The following SLC1A3 variants were observed in gnomAD, a reference collection of about 807,000 sequenced individuals.
The protein encoded by SLC1A3 is solute carrier family 1 member 3.
SLC1A3 carries 21 observed loss-of-function variants against 48.1 expected under a neutral mutation model. The observed-to-expected ratio is 0.44, with a 90% CI of 0.31 to 0.63. SLC1A3 has a LOEUF of 0.63. Among genes scored for constraint, SLC1A3 ranks in the 20% least tolerant of loss-of-function variants. The pLI, the probability that SLC1A3 is intolerant of heterozygous loss-of-function variation, is 0.08. For synonymous variants in SLC1A3, 239 were observed against 251.4 expected, an observed-to-expected ratio of 0.95 and a Z score of 0.47; for missense variants, 546 against 689.0, an observed-to-expected ratio of 0.79 and a Z score of 2.32.
Position 36,600,873 on chromosome 5 carries a change from C to T in SLC1A3, c.-96+4195C>T, listed in dbSNP as rs150668125. ...CCTTACCCCCAGATTACTATGATTG[C>T]ATCCAATGTCCAAAAGTTATTTCAG... On this transcript the variant is annotated intron_variant, in intron 1 of 9. Transcript: ENST00000680318. 4.6e-3 allele frequency among the ~76,000 whole-genome samples: 698 copies of T among 152,330 alleles called. 11 individuals carry two copies. The highest frequency in any genetic ancestry group is 0.016 in the African/African-American group (658 of 41,568).
intron 1 of SLC1A3, among the ~76,000 whole-genome samples, chr5:36,597,369 C>T (rs1037259745): frequency 1.4e-4 from 21 of 150,944 alleles, no homozygotes; most frequent in Non-Finnish European, 2.7e-4. Flanking sequence ...GCCTCAGCCT[C>T]CCCAGCAGCT....
chr5:36,639,366 A>C (rs1268231644), intron 3 of SLC1A3, among the ~76,000 whole-genome samples: 1 of 152,254 alleles, frequency 6.6e-6, no homozygotes, highest in Admixed American at 6.5e-5. Context: ...GCTTTGTTAA[A>C]AGCTTACACA....
In SLC1A3 at chr5:36,622,209, G is replaced by A. The variant is rs918094477; in HGVS notation, c.182-7241G>A. Among the ~76,000 whole-genome samples, 3 of 152,150 alleles carry A rather than the reference G, an allele frequency of 2.0e-5. No individual in the cohort carries two copies. In the East Asian group the frequency reaches 5.8e-4, roughly 29 times the overall value. On this transcript the variant is annotated intron_variant, in intron 2 of 9. Transcript: ENST00000265113. ...CAGCTGGCTGGCTCATCTTGGTCAG[G>A]CACTTAGTTTTCTCGTGGTTGGCCT... is the stretch of plus-strand genomic sequence containing the variant.
At position 36,677,149 on chromosome 5, in the gene SLC1A3, C is replaced by T. The variant is rs201765665; in HGVS notation, c.825C>T (p.Asn275=). 1.2e-5 allele frequency: 20 copies of T among 1,613,980 alleles called. No homozygotes were observed. Among genetic ancestry groups the T allele is most frequent in the South Asian group, 6.6e-5 (6 of 91,088 alleles). ...QALREFFDSL[N]EAIMRLVAVI... The stretch of plus-strand genomic sequence containing the variant: ...TGAGAGAGTTCTTTGATTCTCTTAA[C>T]GAAGCCATCATGAGACTGGTAGCAG... Residue 275 remains asparagine, a synonymous_variant, in exon 6 of 10, where the codon AAC becomes AAT. Coordinates refer to ENST00000265113, the MANE Select transcript of SLC1A3 (RefSeq NM_004172.5).
At chr5:36,647,785 TA>T (rs1221698512) in intron 3 of SLC1A3, among the ~76,000 whole-genome samples, 2 of 152,246 alleles carry the variant, frequency 1.3e-5, no homozygotes, top group Admixed American at 6.5e-5. Flanking sequence ...CATTTTGTTT[TA>T]TTTTTGCCAT....
intron 3 of SLC1A3, among the ~76,000 whole-genome samples, chr5:36,632,748 C>G (rs531830550): frequency 6.6e-6 from 1 of 152,318 alleles, no homozygotes; most frequent in East Asian, 1.9e-4. Context: ...AGAAAACATG[C>G]TATAAGTTTA....
Position 36,629,496 on chromosome 5 carries a change from G to C in SLC1A3, c.228G>C (p.Arg76=). 1 of 1,612,624 alleles carries C rather than the reference G, an allele frequency of 6.2e-7. No homozygotes were observed. Among genetic ancestry groups the C allele is most frequent in the Non-Finnish European group, 8.5e-7 (1 of 1,179,350 alleles). ...TCCGACCATACAGAATGAGCTACCG[G>C]GAAGTCAAGTACTTCTCCTTTCCTG... ...FTLRPYRMSY[R]EVKYFSFPGE... is the part of the protein sequence containing the mutation. The change falls in exon 3 of 10, where the codon CGG becomes CGC. Residue 76 remains arginine, a synonymous_variant. Transcript: ENST00000265113.
chr5:36,642,334 A>C (rs944901071), intron 3 of SLC1A3, among the ~76,000 whole-genome samples: 5 of 152,204 alleles, frequency 3.3e-5, no homozygotes, highest in Admixed American at 6.5e-5. Flanking sequence ...TGAAGGATGC[A>C]TTTCTAGCAA....
chr5:36,646,261 C>T (rs538204696), intron 3 of SLC1A3, among the ~76,000 whole-genome samples: 55 of 152,288 alleles, frequency 3.6e-4, no homozygotes, highest in African/African-American at 1.3e-3. Flanking sequence ...TTGTAAAGAA[C>T]GCTGATAGAA....
intron 3 of SLC1A3, among the ~76,000 whole-genome samples, chr5:36,646,836 T>A (rs1480136381): frequency 6.6e-6 from 1 of 152,188 alleles, no homozygotes; most frequent in Non-Finnish European, 1.5e-5. Flanking sequence ...CAAATAATGT[T>A]CAAAGAGCTA....
At chr5:36,660,709 A>G (rs568544716) in intron 3 of SLC1A3, among the ~76,000 whole-genome samples, 1 of 152,322 alleles carries the variant, frequency 6.6e-6, no homozygotes, top group Non-Finnish European at 1.5e-5. Flanking sequence ...TGAGAGAACA[A>G]TCTCCCACTC....
intron 1 of SLC1A3, among the ~76,000 whole-genome samples, chr5:36,599,187 C>T (rs761005785): frequency 3.0e-4 from 46 of 152,214 alleles, no homozygotes; most frequent in South Asian, 1.0e-3. Flanking sequence ...ACCTCTCCCT[C>T]ATAAATGAAT....
intron 3 of SLC1A3, chr5:36,636,499 C>CTT (rs1200220429): frequency 3.9e-5 from 5 of 127,442 alleles, no homozygotes; most frequent in African/African-American, 1.7e-4. Flanking sequence ...TTCTTTCTTT[C>CTT]TTTCTTTTTC....
At chr5:36,619,231 C>T (rs956242644) in intron 2 of SLC1A3, among the ~76,000 whole-genome samples, 2 of 152,218 alleles carry the variant, frequency 1.3e-5, no homozygotes, top group African/African-American at 4.8e-5. Context: ...GCCTCCAACA[C>T]TGAGTAGCTT....
At chr5:36,609,102 C>G (rs1184933904) in intron 2 of SLC1A3, 11 of 985,966 alleles carry the variant, frequency 1.1e-5, no homozygotes, top group Middle Eastern at 5.2e-4. Context: ...TGTGTTTGCA[C>G]TCTCTCACCC....
At chr5:36,685,585 A>G (rs149020326) in intron 9 of SLC1A3, among the ~76,000 whole-genome samples, 2,278 of 152,252 alleles carry the variant, frequency 0.015, 66 homozygotes, top group African/African-American at 0.052. Context: ...CTCGACCCCA[A>G]TATTTAGTGA....
chr5:36,627,268 C>G (rs1215250151), intron 2 of SLC1A3, among the ~76,000 whole-genome samples: 1 of 151,908 alleles, frequency 6.6e-6, no homozygotes, highest in Non-Finnish European at 1.5e-5. Flanking sequence ...TAAGTAAATA[C>G]AAAATAAAAC....
intron 1 of SLC1A3, among the ~76,000 whole-genome samples, chr5:36,597,277 T>C (rs1327976584): frequency 3.2e-5 from 4 of 126,026 alleles, no homozygotes; most frequent in Non-Finnish European, 4.8e-5. Flanking sequence ...GACGGAGTCT[T>C]GCTCTGTCGC....
chr5:36,633,563 C>A (rs116452503), intron 3 of SLC1A3, among the ~76,000 whole-genome samples: 110 of 152,258 alleles, frequency 7.2e-4, no homozygotes, highest in African/African-American at 2.5e-3. Flanking sequence ...AAGATACAGT[C>A]CCCAAGAAGA....
Sources: allele counts gnomAD v4.1 joint callset (sites outside exome capture counted in the v4.1 genomes callset), GRCh38; gene constraint gnomAD v4.1.1; transcripts MANE v1.5; gene names NCBI Gene and HGNC (gene_info 2026-07-23, HGNC 2026-07-21).